The following B3GALNT2 variants were observed in gnomAD, a reference collection of about 807,000 sequenced individuals.
The protein encoded by B3GALNT2 is UDP-GalNAc:beta-1,3-N-acetylgalactosaminyltransferase 2.
A neutral mutation model predicts 61.1 loss-of-function variants in B3GALNT2; 53 were observed. The observed-to-expected ratio is 0.87, with a 90% CI of 0.70 to 1.09. The LOEUF is 1.09. B3GALNT2 is among the 50% of genes least tolerant of loss of function. B3GALNT2 has a pLI of 0.00. For synonymous variants in B3GALNT2, 223 were observed against 237.4 expected (o/e 0.94, Z 0.56); for missense variants, 544 against 623.0 (o/e 0.87, Z 1.35).
chr1:235,486,612 T>C (rs1684818514), intron 3 of B3GALNT2, among the ~76,000 whole-genome samples: 1 of 152,220 alleles, frequency 6.6e-6, no homozygotes, highest in South Asian at 2.1e-4. Flanking sequence ...AAGATAAGAT[T>C]AGGTTCAATA....
intron 11 of B3GALNT2, chr1:235,450,694 A>G (rs913609079): frequency 1.4e-5 from 3 of 219,070 alleles, no homozygotes; most frequent in Non-Finnish European, 1.9e-5. Context: ...TTCTGATGGA[A>G]TGCTTACAAT....
chr1:235,446,695 GTTT>G (rs11405266), downstream of B3GALNT2, among the ~76,000 whole-genome samples: 4 of 138,946 alleles, frequency 2.9e-5, no homozygotes, highest in East Asian at 2.1e-4. Context: ...GAGTAGGCAG[GTTT>G]TTTTTTTTTT....
chr1:235,460,711 C>T (rs577583373), intron 7 of B3GALNT2, among the ~76,000 whole-genome samples: 3 of 151,838 alleles, frequency 2.0e-5, no homozygotes, highest in Admixed American at 2.0e-4. Flanking sequence ...GTAGCTGGTA[C>T]TCCCGGCACC....
chr1:235,487,379 G>A (rs1272022387), intron 3 of B3GALNT2, among the ~76,000 whole-genome samples: 1 of 152,092 alleles, frequency 6.6e-6, no homozygotes, highest in Non-Finnish European at 1.5e-5. Flanking sequence ...TTAAAATAAT[G>A]TTCAGTACCT....
chr1:235,467,424 T>C (rs1683749961), intron 6 of B3GALNT2, among the ~76,000 whole-genome samples: 3 of 152,014 alleles, frequency 2.0e-5, no homozygotes, highest in Admixed American at 2.0e-4. Flanking sequence ...AGGCTATAGA[T>C]TCCAACGTTG....
the B3GALNT2 span, among the ~76,000 whole-genome samples, chr1:235,440,160 C>T: frequency 3.3e-5 from 5 of 152,056 alleles, no homozygotes; most frequent in Admixed American, 2.0e-4. Flanking sequence ...TTAGTAGGGA[C>T]GGGGTTTCAC....
At chr1:235,486,631 GTTATATACGCA>G (rs1684820072) in intron 3 of B3GALNT2, among the ~76,000 whole-genome samples, 1 of 152,132 alleles carries the variant, frequency 6.6e-6, no homozygotes, top group South Asian at 2.1e-4. Context: ...TATTAACTTA[GTTATATACGCA>G]TTTAAAAATT....
At chr1:235,481,389 G>T (rs1684559129) in intron 4 of B3GALNT2, among the ~76,000 whole-genome samples, 1 of 152,166 alleles carries the variant, frequency 6.6e-6, no homozygotes. Context: ...ACCTAGGCTG[G>T]AGTGAGTGGT....
intron 8 of B3GALNT2, 144 bp from the exon 9 acceptor site, chr1:235,455,828 A>T: frequency 9.1e-7 from 1 of 1,099,532 alleles, no homozygotes; most frequent in Non-Finnish European, 1.3e-6. Flanking sequence ...ATTTGCTCTA[A>T]CAAAATTTTG....
At chr1:235,461,429 T>C (rs1015103295) in intron 7 of B3GALNT2, among the ~76,000 whole-genome samples, 1 of 150,948 alleles carries the variant, frequency 6.6e-6, no homozygotes. Context: ...ATATTTTTAA[T>C]GGCCACTGCT....
chr1:235,487,395 C>T (rs1277633310), intron 3 of B3GALNT2, among the ~76,000 whole-genome samples: 2 of 152,146 alleles, frequency 1.3e-5, no homozygotes, highest in Non-Finnish European at 2.9e-5. Flanking sequence ...TACCTTCCAC[C>T]TTCTAGGAAC....
Position 235,448,377 on chromosome 1 carries a change from A to T in B3GALNT2, c.*1829T>A. ...CCATGACAATTCAAAAGGTGAAGGG[A>T]TTGCTGTCACGTCTTCTCAAAGTTC... On this transcript the variant is annotated 3_prime_UTR_variant, in exon 12 of 12. Transcript: ENST00000366600. 1 of 1,614,164 alleles carries T rather than the reference A, an allele frequency of 6.2e-7. No individual in the cohort carries two copies. The highest frequency in any genetic ancestry group is 8.5e-7 in the Non-Finnish European group (1 of 1,180,028).
chr1:235,493,708 T>C (rs1331845998), intron 2 of B3GALNT2, among the ~76,000 whole-genome samples: 2 of 152,014 alleles, frequency 1.3e-5, no homozygotes, highest in Non-Finnish European at 2.9e-5. Flanking sequence ...AACCCAGGAA[T>C]TGGAGGTTGC....
At chr1:235,440,120 A>G in the B3GALNT2 span, among the ~76,000 whole-genome samples, 903 of 151,952 alleles carry the variant, frequency 5.9e-3, 7 homozygotes, top group South Asian at 0.01. Context: ...ACAGGCGCCC[A>G]CCACCACACC....
At chr1:235,462,642 T>G (rs1040042420) in intron 7 of B3GALNT2, among the ~76,000 whole-genome samples, 5 of 152,202 alleles carry the variant, frequency 3.3e-5, no homozygotes, top group Non-Finnish European at 5.9e-5. Flanking sequence ...AACATAAGTA[T>G]TTAATAATTT....
chr1:235,460,280 C>T (rs1340499915), intron 7 of B3GALNT2, among the ~76,000 whole-genome samples: 1 of 151,308 alleles, frequency 6.6e-6, no homozygotes, highest in African/African-American at 2.4e-5. Flanking sequence ...CTGTGCCCAG[C>T]TAATTGTTTG....
At chr1:235,480,221 C>T in intron 4 of B3GALNT2, 72 bp from the exon 5 acceptor site, 1 of 1,562,322 alleles carries the variant, frequency 6.4e-7, no homozygotes, top group Non-Finnish European at 8.7e-7. Flanking sequence ...AGTTTTCAAA[C>T]ACCTTACTTC....
intron 7 of B3GALNT2, among the ~76,000 whole-genome samples, chr1:235,460,115 C>T (rs1041595180): frequency 6.6e-6 from 1 of 151,736 alleles, no homozygotes; most frequent in South Asian, 2.1e-4. Context: ...TTTCTTTCCT[C>T]TTTCTTTTTT....
chr1:235,448,220 CAAAAAAAAAAAAAA>C lies in B3GALNT2; in HGVS notation c.*1972_*1985del. 1.9e-6 allele frequency: 1 copy of C among 527,200 alleles called. No individual in the cohort carries two copies. Among genetic ancestry groups the C allele is most frequent in the East Asian group, 3.4e-5 (1 of 29,778 alleles). The allele number at this position is 527,200 out of a possible 1,614,324, so 32.7% of individuals were successfully genotyped here. A position where few individuals can be genotyped will look rare whatever the true frequency, so the allele number is the denominator to read the frequency against. ...CTTAAGTAAGTAAGTAAGTCAGTCT[CAAAAAAAAAAAAAA>C]AAAAAAGACAGATACAGCTATCATT... On this transcript the variant is annotated 3_prime_UTR_variant, in exon 12 of 12. Transcript: ENST00000366600.
Sources: gnomAD v4.1 joint callset for allele counts (sites outside exome capture counted in the v4.1 genomes callset) on GRCh38, gnomAD v4.1.1 for gene constraint, MANE v1.5 for transcripts, NCBI Gene and HGNC (gene_info 2026-07-23, HGNC 2026-07-21) for gene names.